Variants in MUSK observed in about 807,000 individuals in gnomAD.
The protein encoded by MUSK is muscle associated receptor tyrosine kinase.
In MUSK, 55 loss-of-function variants were observed where a neutral mutation model predicts 88.7. That is an observed-to-expected ratio of 0.62 (90% CI 0.50 to 0.78). The LOEUF (loss-of-function observed/expected upper bound fraction) is 0.78. Ranked by LOEUF, MUSK falls within the 30% of genes least tolerant of loss-of-function variation. The pLI is 0.00. For synonymous variants in MUSK, 387 were observed against 391.9 expected (o/e 0.99, Z 0.15); for missense variants, 1,015 against 1,074.3 (o/e 0.94, Z 0.77).
chr9:110,728,600 C>G (rs2131824611), intron 5 of MUSK: 1 of 830,404 alleles, frequency 1.2e-6, no homozygotes, highest in South Asian at 1.5e-5. Flanking sequence ...ACTGATGTTT[C>G]TGTGGTCAAA....
Position 110,669,143 on chromosome 9 carries a change from C to T in MUSK, c.79+160C>T, listed in dbSNP as rs146087867. 7.0e-4 allele frequency among the ~76,000 whole-genome samples: 107 copies of T among 152,220 alleles called. No individual in the cohort carries two copies. Among genetic ancestry groups the T allele is most frequent in the African/African-American group, 2.5e-3 (103 of 41,528 alleles). ...TGAGGGAGGAAATTATATACATAAGCAATTGGTTGATGGTCTCTCTACCAA... is the reference window on the plus strand; with the variant it reads ...TGAGGGAGGAAATTATATACATAAGTAATTGGTTGATGGTCTCTCTACCAA... On this transcript the variant is annotated intron_variant, in intron 1 of 14. Coordinates refer to ENST00000374448, the MANE Select transcript of MUSK (RefSeq NM_005592.4).
At chr9:110,755,947 TATAC>T (rs57936211) in intron 7 of MUSK, among the ~76,000 whole-genome samples, 22,719 of 86,056 alleles carry the variant, frequency 0.26, 2,639 homozygotes, top group East Asian at 0.42. Context: ...TATATATATA[TATAC>T]ACATATATAT....
intron 3 of MUSK, among the ~76,000 whole-genome samples, chr9:110,694,713 A>T (rs191699963): frequency 2.0e-5 from 3 of 152,316 alleles, no homozygotes; most frequent in East Asian, 3.9e-4. Context: ...TCCTGAACTT[A>T]TCAATTCTTT....
In MUSK at chr9:110,683,166, G is replaced by A. The variant is rs116571054; in HGVS notation, c.206+366G>A. ...CAGCCTCTGGTAACCATCCTTTTAC[G>A]CTCCATGTCCATGAGTTCAATTGTT... On this transcript the variant is annotated intron_variant, in intron 2 of 14. Transcript: ENST00000374448. 3.4e-3 allele frequency among the ~76,000 whole-genome samples: 513 copies of A among 151,612 alleles called. 4 individuals are homozygous for A. The highest frequency in any genetic ancestry group is 0.012 in the African/African-American group (492 of 41,356).
intron 6 of MUSK, among the ~76,000 whole-genome samples, chr9:110,741,590 A>G (rs774494215): frequency 8.5e-5 from 13 of 152,232 alleles, no homozygotes; most frequent in Admixed American, 5.2e-4. Context: ...TCTTATGGCA[A>G]TGGCACCCTC....
At position 110,675,215 on chromosome 9, in the gene MUSK, C is replaced by CTTTTT. The variant is rs386415865; in HGVS notation, c.79+6252_79+6256dup. Among the ~76,000 whole-genome samples, 215 of 88,344 alleles carry CTTTTT rather than the reference C, an allele frequency of 2.4e-3. 6 individuals carry two copies. Among genetic ancestry groups the CTTTTT allele is most frequent in the East Asian group, 3.8e-3 (10 of 2,616 alleles). The allele number at this position is 88,344 out of a possible 152,430, so 58.0% of individuals were successfully genotyped here. A position where few individuals can be genotyped will look rare whatever the true frequency, so the allele number is the denominator to read the frequency against. On this transcript the variant is annotated intron_variant, in intron 1 of 14. Coordinates refer to ENST00000374448, the MANE Select transcript of MUSK (RefSeq NM_005592.4). ...ATTCAAGTCCTGTGCCACATTGCCT[C>CTTTTT]TTTTTTTTTTTTTTTTTTTTTTTTG...
chr9:110,801,634 T>G lies in MUSK; in HGVS notation c.*646T>G, dbSNP rs2132071204. 1 of 152,370 alleles carries G rather than the reference T, an allele frequency of 6.6e-6. No homozygotes were observed. Among genetic ancestry groups the G allele is most frequent in the South Asian group, 2.1e-4 (1 of 4,826 alleles). 9.4% of individuals were successfully genotyped at this position (152,370 alleles called of 1,614,324 possible). A position where few individuals can be genotyped will look rare whatever the true frequency, so the allele number is the denominator to read the frequency against. On this transcript the variant is annotated 3_prime_UTR_variant, in exon 15 of 15. Coordinates refer to ENST00000374448, the MANE Select transcript of MUSK (RefSeq NM_005592.4). The stretch of plus-strand genomic sequence containing the variant: ...GCAAGCCTGTAACTCTGAGTTCCCT[T>G]TTCTGTCCTGTGCCCCTCCTTTTTT...
Position 110,784,938 on chromosome 9 carries a change from G to A in MUSK, c.1508G>A (p.Ser503Asn). The change falls in exon 12 of 15, where the codon AGC becomes AAC. Residue 503 changes from serine (S) to asparagine (N), a missense_variant. Ser to Asn is a conservative substitution (Grantham distance 46, BLOSUM62 1). Coordinates refer to ENST00000374448, the MANE Select transcript of MUSK (RefSeq NM_005592.4). Reference sequence around the variant, plus strand: ...ACTGTAATAATCTCCATCATGTCCAGCTTTGCAATATTTGTGCTTCTTACC... The same window carrying A: ...ACTGTAATAATCTCCATCATGTCCAACTTTGCAATATTTGTGCTTCTTACC... Reference protein sequence around the residue: ...SMTVIISIMSSFAIFVLLTIT... With the variant: ...SMTVIISIMSNFAIFVLLTIT... The A allele has an allele frequency of 3.1e-6, 5 of 1,613,816 alleles. No homozygotes were observed. Among genetic ancestry groups the A allele is most frequent in the Non-Finnish European group, 4.2e-6 (5 of 1,179,830 alleles).
At chr9:110,728,818 A>C in intron 5 of MUSK, 1 of 882,322 alleles carries the variant, frequency 1.1e-6, no homozygotes, top group Non-Finnish European at 1.6e-6. Flanking sequence ...GCCATTTTTA[A>C]AGAAATAACA....
intron 7 of MUSK, among the ~76,000 whole-genome samples, chr9:110,753,459 A>AGAG (rs1554750380): frequency 1.3e-4 from 16 of 118,632 alleles, no homozygotes; most frequent in Admixed American, 1.2e-3. Flanking sequence ...AAAAAAAAAA[A>AGAG]AGAGAGAGAG....
chr9:110,806,174 C>T lies in MUSK; in HGVS notation c.*5186C>T, dbSNP rs1330170362. Among the ~76,000 whole-genome samples the T allele has an allele frequency of 2.0e-5, 3 of 152,144 alleles. No individual in the cohort carries two copies. Among genetic ancestry groups the T allele is most frequent in the Non-Finnish European group, 2.9e-5 (2 of 67,984 alleles). On this transcript the variant is annotated 3_prime_UTR_variant, in exon 15 of 15. Transcript: ENST00000374448. Reference sequence around the variant, plus strand: ...TTCTAACAAATAGGTTTGCATTTCTCTTTCTGAATTGATCAATTTTTTAAA... The same window carrying T: ...TTCTAACAAATAGGTTTGCATTTCTTTTTCTGAATTGATCAATTTTTTAAA...
intron 7 of MUSK, among the ~76,000 whole-genome samples, chr9:110,761,193 T>G (rs2077392803): frequency 6.6e-6 from 1 of 152,212 alleles, no homozygotes; most frequent in Admixed American, 6.5e-5. Flanking sequence ...TGGCAGAGTC[T>G]GAGTTGGGGC....
Position 110,734,341 on chromosome 9 carries a change from T to C in MUSK, c.719T>C (p.Val240Ala). 1 of 1,613,166 alleles carries C rather than the reference T, an allele frequency of 6.2e-7. No individual in the cohort carries two copies. Among genetic ancestry groups the C allele is most frequent in the Non-Finnish European group, 8.5e-7 (1 of 1,179,448 alleles). Residue 240 changes from valine to alanine, a missense_variant, in exon 6 of 15, where the codon GTC becomes GCC. By Grantham distance (64) the Val-to-Ala change is moderately conservative (BLOSUM62 0). Coordinates refer to ENST00000374448, the MANE Select transcript of MUSK (RefSeq NM_005592.4). Reference protein sequence around the residue: ...TLHCTATGIPVPTITWIENGN... With the variant: ...TLHCTATGIPAPTITWIENGN... The stretch of plus-strand genomic sequence containing the variant: ...CACTGTACAGCAACAGGCATTCCTG[T>C]CCCCACCATCACCTGGATTGAAAAC...
At chr9:110,689,718 T>TAGTTATATATACATATATAACTATATATA (rs370720549) in intron 3 of MUSK, among the ~76,000 whole-genome samples, 1 of 51,662 alleles carries the variant, frequency 1.9e-5, no homozygotes, top group Non-Finnish European at 2.9e-5. Flanking sequence ...TAACTATATA[T>TAGTTATATATACATATATAACTATATATA]GTTATATATA....
chr9:110,800,274 T>C, intron 14 of MUSK, 32 bp from the exon 15 acceptor site: 2 of 1,521,486 alleles, frequency 1.3e-6, no homozygotes, highest in Non-Finnish European at 1.8e-6. Context: ...TTGTAGAAAC[T>C]GAGACTAACA....
chr9:110,706,770 G>A (rs944436661), intron 5 of MUSK, among the ~76,000 whole-genome samples: 9 of 152,116 alleles, frequency 5.9e-5, no homozygotes, highest in Admixed American at 3.9e-4. Flanking sequence ...TTGGGAGGTC[G>A]AGGCAGGCGG....
intron 7 of MUSK, among the ~76,000 whole-genome samples, chr9:110,760,268 C>T (rs561071727): frequency 6.6e-6 from 1 of 152,112 alleles, no homozygotes; most frequent in Non-Finnish European, 1.5e-5. Flanking sequence ...TGCAAATGTT[C>T]GTTGCAGCAC....
intron 9 of MUSK, among the ~76,000 whole-genome samples, chr9:110,772,948 G>A (rs966503145): frequency 1.3e-5 from 2 of 151,952 alleles, no homozygotes; most frequent in African/African-American, 2.4e-5. Flanking sequence ...TATCACTCAT[G>A]GTTTTCTAAT....
intron 1 of MUSK, among the ~76,000 whole-genome samples, chr9:110,678,336 G>T (rs1457621126): frequency 6.6e-6 from 1 of 151,908 alleles, no homozygotes; most frequent in Non-Finnish European, 1.5e-5. Context: ...GCCCAGGCTG[G>T]TCTCAAAACA....
Sources: allele counts gnomAD v4.1 joint callset (sites outside exome capture counted in the v4.1 genomes callset), GRCh38; gene constraint gnomAD v4.1.1; transcripts MANE v1.5; gene names NCBI Gene and HGNC (gene_info 2026-07-23, HGNC 2026-07-21).